The following CRTC1 variants were observed in gnomAD, a reference collection of about 807,000 sequenced individuals.
The protein encoded by CRTC1 is CREB regulated transcription coactivator 1.
CRTC1 carries 18 observed loss-of-function variants against 66.1 expected under a neutral mutation model. The observed-to-expected ratio is 0.27, with a 90% CI of 0.19 to 0.40. The LOEUF is 0.40. CRTC1 is among the 10% of genes least tolerant of loss of function. CRTC1 has a pLI of 1.00. For synonymous variants in CRTC1, 416 were observed against 398.8 expected (o/e 1.04, Z -0.51); for missense variants, 669 against 887.9 (o/e 0.75, Z 3.13).
chr19:18,703,818 G>A (rs973339107), intron 1 of CRTC1, among the ~76,000 whole-genome samples: 2 of 152,036 alleles, frequency 1.3e-5, no homozygotes, highest in African/African-American at 2.4e-5. Context: ...GGCTGGTCTC[G>A]AACTCCTGAC....
intron 1 of CRTC1, among the ~76,000 whole-genome samples, chr19:18,717,291 C>T (rs1366508673): frequency 3.3e-5 from 5 of 151,990 alleles, no homozygotes; most frequent in Non-Finnish European, 2.9e-5. Context: ...CACCCTCTCC[C>T]AGGGTCTTCA....
intron 5 of CRTC1, among the ~76,000 whole-genome samples, chr19:18,751,261 C>T (rs564589856): frequency 2.0e-5 from 3 of 152,278 alleles, no homozygotes; most frequent in African/African-American, 7.2e-5. Context: ...TGGTGGCTCA[C>T]GCCTGCAATC....
At chr19:18,705,506 T>TG (rs547720765) in intron 1 of CRTC1, among the ~76,000 whole-genome samples, 74 of 152,058 alleles carry the variant, frequency 4.9e-4, no homozygotes, top group Non-Finnish European at 9.7e-4. Flanking sequence ...TTAATGGAGA[T>TG]GGGGGTTTCA....
chr19:18,759,936 G>T (rs908361386), intron 7 of CRTC1, 72 bp from the exon 8 acceptor site: 2 of 1,243,972 alleles, frequency 1.6e-6, no homozygotes, highest in East Asian at 2.4e-5. Flanking sequence ...ATTTTCTCCC[G>T]CCAGCCCCCT....
intron 1 of CRTC1, among the ~76,000 whole-genome samples, chr19:18,738,781 C>A (rs1470454748): frequency 6.6e-6 from 1 of 152,138 alleles, no homozygotes; most frequent in Non-Finnish European, 1.5e-5. Context: ...GCTTGGGCAA[C>A]AAGAGGGAGA....
intron 9 of CRTC1, among the ~76,000 whole-genome samples, chr19:18,767,834 A>G (rs1355613862): frequency 6.6e-6 from 1 of 152,184 alleles, no homozygotes; most frequent in Non-Finnish European, 1.5e-5. Context: ...TTTTTGTTCC[A>G]TAGCTCCTGG....
At position 18,741,142 on chromosome 19, in the gene CRTC1, G is replaced by A. The variant is rs1465802555; in HGVS notation, c.127-1768G>A. Among the ~76,000 whole-genome samples the A allele has an allele frequency of 6.6e-6, 1 of 152,258 alleles. No individual in the cohort carries two copies. Among genetic ancestry groups the A allele is most frequent in the Non-Finnish European group, 1.5e-5 (1 of 68,044 alleles). On this transcript the variant is annotated intron_variant, in intron 1 of 13. Transcript: ENST00000321949. The surrounding 1 kb of genome is among the most constrained non-coding windows in gnomAD (Gnocchi z 4.2). Reference sequence around the variant, plus strand: ...GACAGGAGCTGGGAATTGTGGGCAAGGTTTGGACAGAGATGGGGCTTGGGA... The same window carrying A: ...GACAGGAGCTGGGAATTGTGGGCAAAGTTTGGACAGAGATGGGGCTTGGGA...
chr19:18,728,985 G>T (rs2053824754), intron 1 of CRTC1, among the ~76,000 whole-genome samples: 1 of 149,378 alleles, frequency 6.7e-6, no homozygotes, highest in Non-Finnish European at 1.5e-5. Flanking sequence ...GCTAATTCTT[G>T]TATTTTTAGT....
At position 18,743,008 on chromosome 19, in the gene CRTC1, C is replaced by T. The variant is rs779223908; in HGVS notation, c.225C>T (p.Thr75=). 5.6e-6 allele frequency: 9 copies of T among 1,612,584 alleles called. No individual in the cohort carries two copies. Among genetic ancestry groups the T allele is most frequent in the Admixed American group, 5.0e-5 (3 of 59,950 alleles). Residue 75 remains threonine, a synonymous_variant, in exon 2 of 14, where the codon ACC becomes ACT. Coordinates refer to ENST00000321949, the MANE Select transcript of CRTC1 (RefSeq NM_015321.3). ...ACGTGAACCAGATCGGGAGTGGCAC[C>T]ATGGACCTGCCCTTCCAGGTGAGTG... ...LPNVNQIGSG[T]MDLPFQTPFQ... is the part of the protein sequence containing the mutation.
rs527855107 is a variant in CRTC1, at chr19:18,765,646, C to T, written c.1011+118C>T. ...AGGCCACAAAACCTTGAGAATGCTC[C>T]CAACACTTTTAGTTTTTATTATCAA... On this transcript the variant is annotated intron_variant, in intron 9 of 13. Coordinates refer to ENST00000321949, the MANE Select transcript of CRTC1 (RefSeq NM_015321.3). 5 of 975,734 alleles carry T rather than the reference C, an allele frequency of 5.1e-6. No individual in the cohort carries two copies. In the East Asian group the frequency reaches 1.4e-4, roughly 27 times the overall value. The allele number at this position is 975,734 out of a possible 1,614,324, so 60.4% of individuals were successfully genotyped here. A position where few individuals can be genotyped will look rare whatever the true frequency, so the allele number is the denominator to read the frequency against.
Position 18,778,515 on chromosome 19 carries a change from A to G in CRTC1, c.*1133A>G. The G allele has an allele frequency of 4.3e-6, 1 of 231,640 alleles. No individual in the cohort carries two copies. Among genetic ancestry groups the G allele is most frequent in the East Asian group, 6.1e-5 (1 of 16,358 alleles). The allele number at this position is 231,640 out of a possible 1,614,324, so 14.3% of individuals were successfully genotyped here. A position where few individuals can be genotyped will look rare whatever the true frequency, so the allele number is the denominator to read the frequency against. ...GTTTCACCCCAAGTTATCTCAAAACAAAAGGGCTGGTCAGGCTGGGCAGGG... is the reference window on the plus strand; with the variant it reads ...GTTTCACCCCAAGTTATCTCAAAACGAAAGGGCTGGTCAGGCTGGGCAGGG... On this transcript the variant is annotated 3_prime_UTR_variant, in exon 14 of 14. Coordinates refer to ENST00000321949, the MANE Select transcript of CRTC1 (RefSeq NM_015321.3).
chr19:18,710,680 C>T (rs2053370392), intron 1 of CRTC1, among the ~76,000 whole-genome samples: 2 of 152,168 alleles, frequency 1.3e-5, no homozygotes, highest in East Asian at 1.9e-4. Context: ...GGCTTGATCT[C>T]GGCTCACTGC....
chr19:18,716,451 C>G (rs1247271376), intron 1 of CRTC1, among the ~76,000 whole-genome samples: 1 of 152,086 alleles, frequency 6.6e-6, no homozygotes, highest in Non-Finnish European at 1.5e-5. Context: ...GGGGTTTCAC[C>G]ATGTTGGCCA....
chr19:18,755,593 CTTTTTTTTT>C (rs58121199), intron 6 of CRTC1, among the ~76,000 whole-genome samples: 1 of 107,498 alleles, frequency 9.3e-6, no homozygotes, highest in Non-Finnish European at 1.9e-5. Flanking sequence ...CCAAACCTGG[CTTTTTTTTT>C]TTTTTTTTTT....
intron 2 of CRTC1, 97 bp from the exon 3 acceptor site, chr19:18,745,726 G>C: frequency 6.7e-7 from 1 of 1,496,166 alleles, no homozygotes; most frequent in African/African-American, 1.4e-5. Flanking sequence ...CCAGAGTGGG[G>C]GGCCCTGCGA....
In CRTC1 at chr19:18,748,374, AT is replaced by A. The variant is rs777077338; in HGVS notation, c.443+1285del. Among the ~76,000 whole-genome samples the A allele has an allele frequency of 9.7e-3, 731 of 75,414 alleles. 4 individuals carry two copies. The highest frequency in any genetic ancestry group is 0.032 in the African/African-American group (613 of 19,062). 49.5% of individuals were successfully genotyped at this position (75,414 alleles called of 152,430 possible). A position where few individuals can be genotyped will look rare whatever the true frequency, so the allele number is the denominator to read the frequency against. On this transcript the variant is annotated intron_variant, in intron 4 of 13. Transcript: ENST00000321949. ...ATCGTCCCACCTCTGCTTCCAGCTGATTTTTTTTTTTTTTTTTTTTTTTTTG... is the reference window on the plus strand; with the variant it reads ...ATCGTCCCACCTCTGCTTCCAGCTGATTTTTTTTTTTTTTTTTTTTTTTTG...
chr19:18,761,426 G>A (rs772924023), intron 8 of CRTC1, among the ~76,000 whole-genome samples: 1 of 152,284 alleles, frequency 6.6e-6, no homozygotes, highest in East Asian at 1.9e-4. Flanking sequence ...GGTGACAGAC[G>A]CCACCTTGCT....
intron 1 of CRTC1, among the ~76,000 whole-genome samples, chr19:18,734,163 AG>A (rs1022205572): frequency 2.6e-5 from 4 of 151,236 alleles, no homozygotes; most frequent in South Asian, 4.2e-4. Flanking sequence ...AGTGGCTGCC[AG>A]GGGCTGGGGG....
intron 1 of CRTC1, among the ~76,000 whole-genome samples, chr19:18,717,191 G>C (rs886071396): frequency 6.6e-6 from 1 of 152,126 alleles, no homozygotes; most frequent in Non-Finnish European, 1.5e-5. Flanking sequence ...GGAGCTTTGA[G>C]TGAGGGGTGA....
Sources: gnomAD v4.1 joint callset for allele counts (sites outside exome capture counted in the v4.1 genomes callset) on GRCh38, gnomAD v4.1.1 for gene constraint, Gnocchi (gnomAD v3.1) non-coding constraint, MANE v1.5 for transcripts, NCBI Gene and HGNC (gene_info 2026-07-23, HGNC 2026-07-21) for gene names.